The following IKZF2 variants were observed in gnomAD, a reference collection of about 807,000 sequenced individuals.
The protein encoded by IKZF2 is zinc finger protein Helios.
A neutral mutation model predicts 49.2 loss-of-function variants in IKZF2; 15 were observed. That is an observed-to-expected ratio of 0.30 (90% CI 0.20 to 0.47). The LOEUF is 0.47. Ranked by LOEUF, IKZF2 falls within the 20% of genes least tolerant of loss-of-function variation. The pLI is 1.00. For synonymous variants in IKZF2, 227 were observed against 221.4 expected, an observed-to-expected ratio of 1.03 and a Z score of -0.23; for missense variants, 567 against 664.6, an observed-to-expected ratio of 0.85 and a Z score of 1.61.
chr2:213,113,446 A>G (rs549126853), intron 4 of IKZF2, among the ~76,000 whole-genome samples: 4 of 152,282 alleles, frequency 2.6e-5, no homozygotes, highest in African/African-American at 9.6e-5. Context: ...TTTAGAGCCC[A>G]TGGAGAATAG....
chr2:213,013,994 A>C, intron 7 of IKZF2, 60 bp from the exon 8 acceptor site: 1 of 1,516,742 alleles, frequency 6.6e-7, no homozygotes, highest in Non-Finnish European at 9.1e-7. Flanking sequence ...GGATGATACA[A>C]AGCTGGATAT....
At chr2:213,128,833 G>A (rs2060368320) in intron 4 of IKZF2, among the ~76,000 whole-genome samples, 1 of 70,862 alleles carries the variant, frequency 1.4e-5, no homozygotes, top group Non-Finnish European at 2.9e-5. Context: ...TGTATTTTTA[G>A]TAGAGACGGA....
At chr2:213,085,585 G>A (rs1489114124) in intron 4 of IKZF2, among the ~76,000 whole-genome samples, 2 of 152,116 alleles carry the variant, frequency 1.3e-5, no homozygotes, top group African/African-American at 4.8e-5. Context: ...GTTTCACCAT[G>A]GTGTAATAAA....
At chr2:213,124,197 G>A (rs746560943) in intron 4 of IKZF2, among the ~76,000 whole-genome samples, 12 of 150,540 alleles carry the variant, frequency 8.0e-5, no homozygotes, top group Non-Finnish European at 1.5e-4. Context: ...TCAGTGAGAT[G>A]AATGGCATGG....
intron 6 of IKZF2, 122 bp from the exon 7 acceptor site, chr2:213,022,252 C>T (rs1697309901): frequency 2.2e-6 from 2 of 902,574 alleles, no homozygotes; most frequent in Admixed American, 3.2e-5. Context: ...AAATCTCTTC[C>T]TCCTTTACAT....
chr2:213,107,009 T>C (rs2059555572), intron 4 of IKZF2, among the ~76,000 whole-genome samples: 2 of 152,124 alleles, frequency 1.3e-5, no homozygotes, highest in Admixed American at 6.5e-5. Flanking sequence ...TTAATTATAA[T>C]GGGGAAAATC....
chr2:213,007,300 G>A lies in IKZF2; in HGVS notation c.*60C>T. The A allele has an allele frequency of 6.6e-7, 1 of 1,516,618 alleles. No individual in the cohort carries two copies. Among genetic ancestry groups the A allele is most frequent in the African/African-American group, 1.4e-5 (1 of 71,766 alleles). 93.9% of individuals were successfully genotyped at this position (1,516,618 alleles called of 1,614,324 possible). On this transcript the variant is annotated 3_prime_UTR_variant, in exon 9 of 9. Coordinates refer to ENST00000434687, the MANE Select transcript of IKZF2 (RefSeq NM_001387220.1). ...TTTGAGGAAAGGTGGGATTGTAAGTGCAGTATTTCTTCATGTGCAGTTCTT... is the reference window on the plus strand; with the variant it reads ...TTTGAGGAAAGGTGGGATTGTAAGTACAGTATTTCTTCATGTGCAGTTCTT...
At chr2:213,085,646 T>C (rs947358393) in intron 4 of IKZF2, among the ~76,000 whole-genome samples, 5 of 152,310 alleles carry the variant, frequency 3.3e-5, no homozygotes, top group Admixed American at 6.5e-5. Context: ...GCATTAATGA[T>C]AGGGAAACTG....
At chr2:213,035,987 T>C (rs964301085) in intron 6 of IKZF2, among the ~76,000 whole-genome samples, 3 of 152,180 alleles carry the variant, frequency 2.0e-5, no homozygotes, top group Non-Finnish European at 4.4e-5. Context: ...TGTAAACATA[T>C]AGTTATCAAG....
intron 4 of IKZF2, among the ~76,000 whole-genome samples, chr2:213,079,436 G>A (rs1703659674): frequency 1.8e-5 from 2 of 110,092 alleles, no homozygotes; most frequent in African/African-American, 7.6e-5. Flanking sequence ...AGGAAGGAAG[G>A]AAAGGAGGGA....
At chr2:213,070,988 G>A (rs920371084) in intron 4 of IKZF2, among the ~76,000 whole-genome samples, 5 of 152,086 alleles carry the variant, frequency 3.3e-5, no homozygotes, top group African/African-American at 1.2e-4. Flanking sequence ...TTAGTTGGGC[G>A]TCCTTCAACA....
At chr2:213,120,742 T>G (rs533266962) in intron 4 of IKZF2, among the ~76,000 whole-genome samples, 28 of 152,266 alleles carry the variant, frequency 1.8e-4, no homozygotes, top group Admixed American at 1.5e-3. Context: ...TATCCTGCAC[T>G]TTATATATTT....
Position 213,002,329 on chromosome 2 carries a change from T to C in IKZF2, c.*5031A>G, listed in dbSNP as rs1694976620. On this transcript the variant is annotated 3_prime_UTR_variant, in exon 9 of 9. Transcript: ENST00000434687. Reference sequence around the variant, plus strand: ...AGAATTATGAACTTATTCCTAAGAGTGCAGGTGAAAAATATCCTCAAACTT... The same window carrying C: ...AGAATTATGAACTTATTCCTAAGAGCGCAGGTGAAAAATATCCTCAAACTT... The C allele has an allele frequency of 6.6e-6, 1 of 151,264 alleles. No homozygotes were observed. The highest frequency in any genetic ancestry group is 1.5e-5 in the Non-Finnish European group (1 of 67,480). The allele number at this position is 151,264 out of a possible 1,614,324, so 9.4% of individuals were successfully genotyped here.
chr2:213,101,165 T>C (rs920871140), intron 4 of IKZF2, among the ~76,000 whole-genome samples: 1 of 152,052 alleles, frequency 6.6e-6, no homozygotes, highest in Non-Finnish European at 1.5e-5. Context: ...ATGTCTATAA[T>C]GTTAAAATTT....
chr2:213,082,352 T>C (rs1242181777), intron 4 of IKZF2, among the ~76,000 whole-genome samples: 2 of 152,160 alleles, frequency 1.3e-5, no homozygotes, highest in African/African-American at 4.8e-5. Context: ...TATGAGCAAA[T>C]ATACAAGGTA....
chr2:213,030,287 A>T (rs949107276), intron 6 of IKZF2, among the ~76,000 whole-genome samples: 2 of 152,092 alleles, frequency 1.3e-5, no homozygotes, highest in Non-Finnish European at 2.9e-5. Context: ...AATCTTTAGA[A>T]GTCTTAATGA....
intron 4 of IKZF2, among the ~76,000 whole-genome samples, chr2:213,071,422 G>C (rs919432123): frequency 1.3e-5 from 2 of 152,122 alleles, no homozygotes; most frequent in African/African-American, 4.8e-5. Context: ...GTGAGTTTAA[G>C]AACTGGGCTT....
intron 8 of IKZF2, among the ~76,000 whole-genome samples, chr2:213,011,339 A>T (rs1384397182): frequency 1.3e-5 from 2 of 152,016 alleles, no homozygotes; most frequent in African/African-American, 4.8e-5. Context: ...TGCTGATAGG[A>T]AATGCCCAAT....
intron 4 of IKZF2, among the ~76,000 whole-genome samples, chr2:213,119,983 G>A (rs192551146): frequency 8.9e-4 from 136 of 152,262 alleles, no homozygotes; most frequent in Admixed American, 1.6e-3. Context: ...TGTGAGCCCA[G>A]GTCTCTCCCT....
Sources: gnomAD v4.1 joint callset for allele counts (sites outside exome capture counted in the v4.1 genomes callset) on GRCh38, gnomAD v4.1.1 for gene constraint, MANE v1.5 for transcripts, NCBI Gene and HGNC (gene_info 2026-07-23, HGNC 2026-07-21) for gene names.